TTN: variants seen among roughly 807,000 people sequenced by gnomAD.
The protein encoded by TTN is connectin.
A neutral mutation model predicts 3,223.0 loss-of-function variants in TTN; 1,525 were observed. That is an observed-to-expected ratio of 0.47 (90% CI 0.45 to 0.49). TTN has a LOEUF of 0.49. TTN is among the 20% of genes least tolerant of loss of function. The pLI, the probability that TTN is intolerant of heterozygous loss-of-function variation, is 0.00. For missense variants in TTN, 40,786 were observed against 43,424.0 expected (o/e 0.94, Z 5.40); for synonymous variants, 14,094 against 15,161.0 (o/e 0.93, Z 5.17).
In TTN at chr2:178,663,487, C is replaced by T; in HGVS notation, c.36562G>A (p.Glu12188Lys). ...VPEAPKEVVP[E>K]KKVPVPPPKK... ...GGAGGAGGCACTGGCACTTTCTTTT[C>T]AGGAACAACTTCTTTGGGAGCCTCA... The change falls in exon 172 of 363, where the codon GAA becomes AAA. Residue 12188 changes from glutamate (E) to lysine (K), a missense_variant. By Grantham distance (56) the Glu-to-Lys change is moderately conservative. Coordinates refer to ENST00000589042, the MANE Select transcript of TTN (RefSeq NM_001267550.2). 6.2e-7 allele frequency: 1 copy of T among 1,612,756 alleles called. No individual in the cohort carries two copies. Among genetic ancestry groups the T allele is most frequent in the Non-Finnish European group, 8.5e-7 (1 of 1,179,602 alleles).
rs568049899 is a variant in TTN at position 178,547,518 on chromosome 2, C to G, written c.94108G>C (p.Val31370Leu). ...NSSVKRTQIK[V>L]THLTKYMEYS... ...TCCATGTATTTTGTGAGATGAGTGA[C>G]TTTAATTTGAGTGCGCTTGACACTG... The change falls in exon 339 of 363, where the codon GTC becomes CTC. Residue 31370 changes from valine to leucine, a missense_variant. Coordinates refer to ENST00000589042, the MANE Select transcript of TTN (RefSeq NM_001267550.2). 6.2e-7 allele frequency: 1 copy of G among 1,613,670 alleles called. No individual in the cohort carries two copies. Among genetic ancestry groups the G allele is most frequent in the East Asian group, 2.2e-5 (1 of 44,788 alleles).
chr2:178,719,027 G>A, intron 83 of TTN, 54 bp from the exon 84 acceptor site: 1 of 1,526,148 alleles, frequency 6.6e-7, no homozygotes, highest in African/African-American at 1.4e-5. Flanking sequence ...ATCCAAGTGA[G>A]AAGTGCTTTT....
intron 209 of TTN, 93 bp downstream of exon 209, chr2:178,650,658 C>T: frequency 8.4e-7 from 1 of 1,194,624 alleles, no homozygotes; most frequent in Non-Finnish European, 1.2e-6. Flanking sequence ...AGAAAATGAC[C>T]AAGAAATAAT....
rs879009971 is a variant in TTN at position 178,790,745 on chromosome 2, G to A, written c.1763C>T (p.Thr588Ile). Residue 588 changes from threonine to isoleucine, a missense_variant, in exon 11 of 363, where the codon ACC becomes ATC. By Grantham distance (89) the Thr-to-Ile change is moderately conservative. Coordinates refer to ENST00000589042, the MANE Select transcript of TTN (RefSeq NM_001267550.2). Reference sequence around the variant, plus strand: ...TAGGTGCATTTGATCTTGTTGTGTGGTAGTTTCTTCTTGAGCTCCCGGGAC... The same window carrying A: ...TAGGTGCATTTGATCTTGTTGTGTGATAGTTTCTTCTTGAGCTCCCGGGAC... ...ETVPGAQEET[T>I]TQQDQMHLSY... The A allele has an allele frequency of 6.2e-7, 1 of 1,614,116 alleles. No homozygotes were observed. The highest frequency in any genetic ancestry group is 8.5e-7 in the Non-Finnish European group (1 of 1,179,998).
Position 178,727,258 on chromosome 2 carries a change from G to A in TTN, c.20107C>T (p.Arg6703Ter), listed in dbSNP as rs2079499416. 2 of 1,612,882 alleles carry A rather than the reference G, an allele frequency of 1.2e-6. No individual in the cohort carries two copies. The highest frequency in any genetic ancestry group is 1.7e-5 in the Admixed American group (1 of 59,920). ...GSPEIRVVWF[R>*]NEHELPASDK... The stretch of plus-strand genomic sequence containing the variant: ...CTGGCTGGAAGTTCATGTTCATTTC[G>A]GAACCACACAACTCTGATTTCTGGG... Residue 6703 changes from arginine (R) to a stop codon, truncating the protein, a stop_gained, in exon 69 of 363, where the codon CGA becomes TGA. Transcript: ENST00000589042. LOFTEE classifies it high-confidence loss of function.
Position 178,735,000 on chromosome 2 carries a change from T to A in TTN, c.14936-12A>T, listed in dbSNP as rs1256982098. 4.6e-6 allele frequency: 7 copies of A among 1,520,310 alleles called. No homozygotes were observed. The Admixed American group carries it at 9.5e-5, about 21-fold the overall frequency. 94.2% of individuals were successfully genotyped at this position (1,520,310 alleles called of 1,614,324 possible). On this transcript the variant is annotated splice_polypyrimidine_tract_variant and intron_variant, in intron 50 of 362. Transcript: ENST00000589042. ...GAAGGATGGTGGCTCTACATGAAGT[T>A]TACAAAAAAGAAAAAGGAGAAGATA...
chr2:178,691,482 G>A (rs2072419696), intron 121 of TTN, among the ~76,000 whole-genome samples: 1 of 152,156 alleles, frequency 6.6e-6, no homozygotes, highest in Non-Finnish European at 1.5e-5. Flanking sequence ...CAAGAAAATG[G>A]TGAAAGTAAA....
At position 178,712,767 on chromosome 2, in the gene TTN, A is replaced by T; in HGVS notation, c.27258T>A (p.Ser9086Arg). 1 of 1,613,812 alleles carries T rather than the reference A, an allele frequency of 6.2e-7. No individual in the cohort carries two copies. Among genetic ancestry groups the T allele is most frequent in the Non-Finnish European group, 8.5e-7 (1 of 1,179,766 alleles). The change falls in exon 94 of 363, where the codon AGT (serine) becomes AGA (arginine). Residue 9086 changes from serine to arginine, a missense_variant. Coordinates refer to ENST00000589042, the MANE Select transcript of TTN (RefSeq NM_001267550.2). Reference protein sequence around the residue: ...LELFDVDTSQSGEYTCIVSNE... With the variant: ...LELFDVDTSQRGEYTCIVSNE... ...TGCTAACTATGCAAGTATATTCTCC[A>T]CTTTGTGATGTATCTACATCGAACA...
At chr2:178,689,256 A>G in intron 124 of TTN, 34 bp downstream of exon 124, 1 of 1,605,952 alleles carries the variant, frequency 6.2e-7, no homozygotes, top group Admixed American at 1.7e-5. Flanking sequence ...ACTGGAACAT[A>G]AAGACAGTTC....
rs777698555 is a variant in TTN at position 178,582,550 on chromosome 2, T to C, written c.65906A>G (p.Tyr21969Cys). The change falls in exon 314 of 363, where the codon TAT (tyrosine) becomes TGT (cysteine). Residue 21969 changes from tyrosine (Y) to cysteine (C), a missense_variant. Transcript: ENST00000589042. ...PPASVKINKM[Y>C]SDRAMLSWEP... ...CCAAGAAAGCATAGCACGATCTGAA[T>C]ACATTTTGTTGATTTTAACAGATGC... The C allele has an allele frequency of 4.2e-5, 68 of 1,612,064 alleles. 1 individual carries two copies. The highest frequency in any genetic ancestry group is 4.7e-5 in the Non-Finnish European group (55 of 1,178,826).
chr2:178,704,101 A>G, intron 106 of TTN, 46 bp downstream of exon 106: 2 of 1,590,152 alleles, frequency 1.3e-6, no homozygotes, highest in Non-Finnish European at 1.7e-6. Context: ...AACATTTGCC[A>G]TTGACCTATG....
rs1427649265 is a variant in TTN at position 178,629,364 on chromosome 2, G to C, written c.44361C>G (p.Leu14787=). Reference sequence around the variant, plus strand: ...ATTCCACTGGGATATCTTCGTAGGAGAGCTCGCAGTCGAAGGTGGCTGTTT... The same window carrying C: ...ATTCCACTGGGATATCTTCGTAGGACAGCTCGCAGTCGAAGGTGGCTGTTT... The part of the protein sequence containing the change: ...AGETATFDCE[L]SYEDIPVEWY... Residue 14787 remains leucine, a synonymous_variant, in exon 240 of 363, where the codon CTC becomes CTG. Transcript: ENST00000589042. 2 of 1,612,956 alleles carry C rather than the reference G, an allele frequency of 1.2e-6. No individual in the cohort carries two copies. The highest frequency in any genetic ancestry group is 1.7e-5 in the Admixed American group (1 of 59,976).
rs368538182 is a variant in TTN, at chr2:178,730,629, A to G, written c.17904T>C (p.Ser5968=). 6.2e-7 allele frequency: 1 copy of G among 1,613,550 alleles called. No homozygotes were observed. The highest frequency in any genetic ancestry group is 1.3e-5 in the African/African-American group (1 of 74,890). ...EISASEKYKF[S]FHDNTAFLEI... is the part of the protein sequence containing the mutation. ...CCAAGAAGGCAGTATTGTCATGAAA[A>G]GAGAATTTGTACTTTTCACTAGCTG... is the stretch of plus-strand genomic sequence containing the variant. Residue 5968 remains serine (S), a synonymous_variant, in exon 61 of 363, where the codon TCT becomes TCC. Transcript: ENST00000589042.
chr2:178,529,236 T>G lies in TTN; in HGVS notation c.106532-17A>C. Reference sequence around the variant, plus strand: ...CTTTTATAGCTAAAAAAGAAACCTCTGTAAGGCAAACTTAATTAGAAAGAG... The same window carrying G: ...CTTTTATAGCTAAAAAAGAAACCTCGGTAAGGCAAACTTAATTAGAAAGAG... On this transcript the variant is annotated splice_polypyrimidine_tract_variant and intron_variant, in intron 359 of 362. Coordinates refer to ENST00000589042, the MANE Select transcript of TTN (RefSeq NM_001267550.2). The G allele has an allele frequency of 7.0e-7, 1 of 1,433,132 alleles. No individual in the cohort carries two copies. The highest frequency in any genetic ancestry group is 9.1e-7 in the Non-Finnish European group (1 of 1,094,220). The allele number at this position is 1,433,132 out of a possible 1,614,324, so 88.8% of individuals were successfully genotyped here. A position where few individuals can be genotyped will look rare whatever the true frequency, so the allele number is the denominator to read the frequency against.
intron 336 of TTN, chr2:178,550,508 C>G (rs1209531772): frequency 2.0e-6 from 1 of 498,074 alleles, no homozygotes; most frequent in African/African-American, 1.9e-5. Context: ...TTGCATTGCT[C>G]TTTGTAAAAA....
chr2:178,594,386 G>GT lies in TTN; in HGVS notation c.58107dup (p.Pro19370ThrfsTer13). 6.2e-7 allele frequency: 1 copy of GT among 1,602,886 alleles called. No individual in the cohort carries two copies. Among genetic ancestry groups the GT allele is most frequent in the Non-Finnish European group, 8.5e-7 (1 of 1,173,942 alleles). On this transcript the variant is annotated frameshift_variant, in exon 296 of 363. Coordinates refer to ENST00000589042, the MANE Select transcript of TTN (RefSeq NM_001267550.2). LOFTEE classifies it high-confidence loss of function. ...GTAATTGGTTTGGTGCAAAATGATG[G>GT]TTTGCCTTGTCCAACAATGTTGACA... is the stretch of plus-strand genomic sequence containing the variant.
At chr2:178,699,701 G>A (rs565181875) in intron 111 of TTN, among the ~76,000 whole-genome samples, 2 of 142,630 alleles carry the variant, frequency 1.4e-5, no homozygotes, top group East Asian at 4.1e-4. Context: ...GTGAGCCACC[G>A]CGCCCAGCCC....
At position 178,733,783 on chromosome 2, in the gene TTN, C is replaced by T; in HGVS notation, c.15606G>A (p.Met5202Ile). Residue 5202 changes from methionine to isoleucine, a missense_variant, in exon 53 of 363, where the codon ATG (methionine) becomes ATA (isoleucine). Coordinates refer to ENST00000589042, the MANE Select transcript of TTN (RefSeq NM_001267550.2). ...RGSEPISVTW[M>I]KGQEVIREDG... ...CTTCTCTGATGACCTCTTGACCTTT[C>T]ATCCATGTGACAGAAATGGGCTCTG... 8.1e-6 allele frequency: 13 copies of T among 1,613,824 alleles called. No individual in the cohort carries two copies. Among genetic ancestry groups the T allele is most frequent in the Non-Finnish European group, 1.1e-5 (13 of 1,179,774 alleles).
chr2:178,646,104 T>TTATATATATA (rs71023450), intron 216 of TTN, 74 bp from the exon 217 acceptor site: 971 of 37,868 alleles, frequency 0.026, 138 homozygotes, highest in Non-Finnish European at 0.034. Flanking sequence ...TTAATAGAAA[T>TTATATATATA]TATATATATA....
Sources: allele counts gnomAD v4.1 joint callset (sites outside exome capture counted in the v4.1 genomes callset), GRCh38; gene constraint gnomAD v4.1.1; transcripts MANE v1.5; gene names NCBI Gene and HGNC (gene_info 2026-07-23, HGNC 2026-07-21).